The following RPP30 variants were observed in gnomAD, a reference collection of about 807,000 sequenced individuals.
The protein encoded by RPP30 is ribonuclease P/MRP subunit p30.
A neutral mutation model predicts 38.6 loss-of-function variants in RPP30; 36 were observed. That is an observed-to-expected ratio of 0.93 (90% confidence interval 0.71 to 1.23). RPP30 has a LOEUF of 1.23. Among genes scored for constraint, RPP30 ranks in the 50% most tolerant of loss-of-function variants. The pLI, the probability that RPP30 is intolerant of heterozygous loss-of-function variation, is 0.00. For synonymous variants in RPP30, 126 were observed against 112.7 expected (o/e 1.12, Z -0.75); for missense variants, 321 against 321.7 (o/e 1.00, Z 0.02).
intron 9 of RPP30, 74 bp downstream of exon 9, chr10:90,895,991 G>A (rs1047987405): frequency 6.1e-6 from 7 of 1,141,190 alleles, no homozygotes; most frequent in East Asian, 2.4e-5. Flanking sequence ...TATTATAGTT[G>A]AACATGTATT....
chr10:90,895,432 T>G (rs755509168), intron 7 of RPP30, 22 bp from the exon 8 acceptor site: 1 of 1,278,288 alleles, frequency 7.8e-7, no homozygotes, highest in South Asian at 1.5e-5. Context: ...AAGATTAATA[T>G]TAGTCACTTT....
At chr10:90,907,020 T>C (rs896288164), downstream of RPP30, among the ~76,000 whole-genome samples, 3 of 152,260 alleles carry the variant, frequency 2.0e-5, no homozygotes, top group African/African-American at 7.2e-5. Flanking sequence ...TCTAATGGGA[T>C]TTATTCCATA....
intron 5 of RPP30, among the ~76,000 whole-genome samples, chr10:90,882,310 C>T (rs969841193): frequency 2.0e-5 from 3 of 152,064 alleles, no homozygotes; most frequent in Non-Finnish European, 4.4e-5. Context: ...ATAAATTATT[C>T]GCATCTCTCA....
intron 4 of RPP30, among the ~76,000 whole-genome samples, chr10:90,876,538 T>C (rs557320070): frequency 6.6e-6 from 1 of 152,278 alleles, no homozygotes; most frequent in African/African-American, 2.4e-5. Context: ...AGTAAGTTGA[T>C]ATTCAAGCTG....
At chr10:90,881,305 G>C (rs1166214774) in intron 5 of RPP30, among the ~76,000 whole-genome samples, 1 of 152,096 alleles carries the variant, frequency 6.6e-6, no homozygotes, top group Non-Finnish European at 1.5e-5. Flanking sequence ...TGAGATTCAG[G>C]CTGAGTGATT....
chr10:90,887,007 GC>G (rs1847010201), intron 6 of RPP30, among the ~76,000 whole-genome samples: 1 of 152,102 alleles, frequency 6.6e-6, no homozygotes, highest in Admixed American at 6.5e-5. Context: ...TCACTCTATT[GC>G]CCAAGCTAGA....
At position 90,895,881 on chromosome 10, in the gene RPP30, C is replaced by T. The variant is rs1847133897; in HGVS notation, c.581C>T (p.Pro194Leu). The change falls in exon 9 of 11, where the codon CCT (proline) becomes CTT (leucine). Residue 194 changes from proline to leucine, a missense_variant and splice_region_variant. Physicochemically the swap from Pro to Leu is moderately conservative, Grantham distance 98 (BLOSUM62 -3). Coordinates refer to ENST00000371703, the MANE Select transcript of RPP30 (RefSeq NM_006413.5). ...NVIISSAAER[P>L]LEIRGPYDVA... ...TACTCTTTGTTCATTTTATTTCAGC[C>T]TTTAGAAATAAGAGGGCCATATGAC... The T allele has an allele frequency of 1.9e-6, 3 of 1,590,884 alleles. No individual in the cohort carries two copies. Among genetic ancestry groups the T allele is most frequent in the Admixed American group, 1.7e-5 (1 of 57,784 alleles).
intron 6 of RPP30, 38 bp from the exon 7 acceptor site, chr10:90,894,737 A>G (rs778585807): frequency 1.4e-5 from 20 of 1,433,258 alleles, no homozygotes; most frequent in Middle Eastern, 1.7e-4. Context: ...AGGCCAGTGC[A>G]TGCTTATCTC....
chr10:90,904,795 G>A (rs1418498895), downstream of RPP30, among the ~76,000 whole-genome samples: 1 of 152,090 alleles, frequency 6.6e-6, no homozygotes, highest in Non-Finnish European at 1.5e-5. Context: ...CTGGGCGACA[G>A]AATGAGACTC....
In RPP30 at chr10:90,876,169, A is replaced by G. The variant is rs559874017; in HGVS notation, c.270+71A>G. ...ATTGATTAATGTTGAACAATGTTGC[A>G]TTTTGTCTTCCCCATTTTACATTTT... On this transcript the variant is annotated intron_variant, in intron 4 of 10. Coordinates refer to ENST00000371703, the MANE Select transcript of RPP30 (RefSeq NM_006413.5). 103 of 995,564 alleles carry G rather than the reference A, an allele frequency of 1.0e-4. No individual in the cohort carries two copies. In the African/African-American group the frequency reaches 1.4e-3, roughly 14 times the overall value. 61.7% of individuals were successfully genotyped at this position (995,564 alleles called of 1,614,324 possible). A position where few individuals can be genotyped will look rare whatever the true frequency, so the allele number is the denominator to read the frequency against.
chr10:90,876,914 C>A (rs796894102), intron 4 of RPP30, among the ~76,000 whole-genome samples: 7 of 152,168 alleles, frequency 4.6e-5, no homozygotes, highest in South Asian at 2.1e-4. Context: ...CCCTAGGTGG[C>A]CTGAGCAGCC....
At chr10:90,889,304 C>CTTTTTTTT (rs59640704) in intron 6 of RPP30, among the ~76,000 whole-genome samples, 1 of 106,536 alleles carries the variant, frequency 9.4e-6, no homozygotes, top group Non-Finnish European at 1.8e-5. Flanking sequence ...ATAAGGATTA[C>CTTTTTTTT]TTTTTTTTTT....
chr10:90,902,197 T>C (rs913856949), downstream of RPP30: 4 of 843,270 alleles, frequency 4.7e-6, no homozygotes, highest in Non-Finnish European at 4.3e-6. Flanking sequence ...AAGTGCATCA[T>C]GACCAGGTGA....
chr10:90,898,228 TAAAG>T (rs952301763), intron 10 of RPP30, among the ~76,000 whole-genome samples: 6 of 152,156 alleles, frequency 3.9e-5, no homozygotes, highest in African/African-American at 7.2e-5. Flanking sequence ...AAGCTAAACT[TAAAG>T]AAGACTTGTG....
chr10:90,876,956 G>A (rs530342368), intron 4 of RPP30, among the ~76,000 whole-genome samples: 4 of 152,164 alleles, frequency 2.6e-5, no homozygotes, highest in African/African-American at 7.2e-5. Flanking sequence ...TTCCTGAGAC[G>A]GACCATACAA....
At chr10:90,904,471 G>T (rs1163545291), downstream of RPP30, among the ~76,000 whole-genome samples, 1 of 152,162 alleles carries the variant, frequency 6.6e-6, no homozygotes, top group Non-Finnish European at 1.5e-5. Flanking sequence ...GATTAAGTAG[G>T]TTAGTATTTG....
In RPP30 at chr10:90,900,722, T is replaced by G; in HGVS notation, c.*43T>G. 1 of 1,583,708 alleles carries G rather than the reference T, an allele frequency of 6.3e-7. No homozygotes were observed. The highest frequency in any genetic ancestry group is 8.6e-7 in the Non-Finnish European group (1 of 1,168,034). On this transcript the variant is annotated 3_prime_UTR_variant, in exon 11 of 11. Transcript: ENST00000371703. ...CTGTCAGCACTCCCTTCTTCCCTTT[T>G]ATAGTTCATCAGCCACAACAAAAAT...
intron 10 of RPP30, among the ~76,000 whole-genome samples, chr10:90,899,397 C>T (rs1273984832): frequency 6.6e-6 from 1 of 152,110 alleles, no homozygotes; most frequent in Admixed American, 6.5e-5. Flanking sequence ...GTTGACTTTA[C>T]GTTTATTACT....
At chr10:90,873,657 C>A (rs1846812647) in intron 1 of RPP30, among the ~76,000 whole-genome samples, 1 of 152,092 alleles carries the variant, frequency 6.6e-6, no homozygotes, top group South Asian at 2.1e-4. Flanking sequence ...ACGGTAGGGA[C>A]ATTGTTTAGT....
Sources: gnomAD v4.1 joint callset for allele counts (sites outside exome capture counted in the v4.1 genomes callset) on GRCh38, gnomAD v4.1.1 for gene constraint, MANE v1.5 for transcripts, NCBI Gene and HGNC (gene_info 2026-07-23, HGNC 2026-07-21) for gene names.